The following TCP1 variants were observed in gnomAD, a reference collection of about 807,000 sequenced individuals.
TCP1 encodes the protein t-complex 1, also known as T-complex protein 1 subunit alpha.
In TCP1, 6 loss-of-function variants were observed where a neutral mutation model predicts 54.7. The ratio of observed to expected loss-of-function variants is 0.11; its 90% CI spans 0.06 to 0.22. The LOEUF (loss-of-function observed/expected upper bound fraction) is 0.22, where lower values mean the gene tolerates loss of function less well. Ranked by LOEUF, TCP1 falls within the 10% of genes least tolerant of loss-of-function variation. TCP1 has a pLI of 1.00. For missense variants in TCP1, 511 were observed against 678.2 expected (o/e 0.75, Z 2.74); for synonymous variants, 225 against 229.7 (o/e 0.98, Z 0.19).
Position 159,786,813 on chromosome 6 carries a change from A to G in TCP1, c.280-816T>C, listed in dbSNP as rs35589108. On this transcript the variant is annotated intron_variant, in intron 3 of 11. Coordinates refer to ENST00000321394, the MANE Select transcript of TCP1 (RefSeq NM_030752.3). The stretch of plus-strand genomic sequence containing the variant: ...CAAACAATAGTGTTTCTACTATACC[A>G]GCATGCTGGATGATCTATGAAGAGT... 1.0e-2 allele frequency among the ~76,000 whole-genome samples: 1,516 copies of G among 152,348 alleles called. 18 individuals carry two copies. The highest frequency in any genetic ancestry group is 0.015 in the Non-Finnish European group (1,040 of 68,024).
At chr6:159,788,180 GATA>G in intron 1 of TCP1, 37 bp from the exon 2 acceptor site, 5 of 1,591,632 alleles carry the variant, frequency 3.1e-6, no homozygotes, top group Non-Finnish European at 4.3e-6. Context: ...AAGAAATGAG[GATA>G]AGCCACAACT....
chr6:159,787,608 T>C, intron 3 of TCP1, 135 bp downstream of exon 3: 1 of 1,192,842 alleles, frequency 8.4e-7, no homozygotes. Context: ...TTGTTTTTTC[T>C]TCTTGCTCAA....
chr6:159,781,216 C>A, intron 7 of TCP1, 106 bp from the exon 8 acceptor site: 1 of 1,004,892 alleles, frequency 1.0e-6, no homozygotes, highest in Non-Finnish European at 1.4e-6. Context: ...ATTGTATTAT[C>A]CTTTGTTATC....
At chr6:159,786,984 G>C (rs535001931) in intron 3 of TCP1, among the ~76,000 whole-genome samples, 127 of 150,894 alleles carry the variant, frequency 8.4e-4, no homozygotes, top group African/African-American at 2.9e-3. Flanking sequence ...CAGCTCATGC[G>C]TGTAATCCCA....
Position 159,785,932 on chromosome 6 carries a change from T to A in TCP1, c.345A>T (p.Thr115=). The A allele has an allele frequency of 2.5e-6, 4 of 1,613,948 alleles. No individual in the cohort carries two copies. The highest frequency in any genetic ancestry group is 1.7e-5 in the Admixed American group (1 of 60,024). ...DELVKQKIHP[T]SVISGYRLAC... is the part of the protein sequence containing the mutation. ...CAAGTCGATAGCCACTAATAACTGA[T>A]GTGGGATGAATTTTCTGTTTGACTA... The change falls in exon 4 of 12, where the codon ACA becomes ACT. Residue 115 remains threonine (T), a synonymous_variant. Coordinates refer to ENST00000321394, the MANE Select transcript of TCP1 (RefSeq NM_030752.3).
rs753812635 is a variant in TCP1 at position 159,779,019 on chromosome 6, T to A, written c.*26A>T. ...AGGTACAAGACAATTGCATTTAACA[T>A]TGTTATAAATAAAAGGAACATCAGA... On this transcript the variant is annotated 3_prime_UTR_variant, in exon 12 of 12. Coordinates refer to ENST00000321394, the MANE Select transcript of TCP1 (RefSeq NM_030752.3). 1 of 1,601,374 alleles carries A rather than the reference T, an allele frequency of 6.2e-7. No homozygotes were observed. Among genetic ancestry groups the A allele is most frequent in the Non-Finnish European group, 8.5e-7 (1 of 1,170,502 alleles).
intron 1 of TCP1, 110 bp downstream of exon 1, chr6:159,789,295 G>C (rs780887081): frequency 3.1e-6 from 4 of 1,294,368 alleles, no homozygotes; most frequent in African/African-American, 1.5e-5. Context: ...GGGGCCCCGA[G>C]GCCCTTTCTG....
intron 6 of TCP1, among the ~76,000 whole-genome samples, chr6:159,784,370 T>G (rs1351461637): frequency 1.3e-4 from 19 of 151,898 alleles, no homozygotes; most frequent in African/African-American, 4.4e-4. Context: ...AGTGGTGTGA[T>G]CTTGGCTCAC....
chr6:159,785,174 GCA>G, intron 5 of TCP1: 1 of 605,056 alleles, frequency 1.7e-6, no homozygotes, highest in African/African-American at 1.9e-5. Context: ...CTGCTACTAC[GCA>G]CGCGTGCGCG....
chr6:159,784,622 A>C, intron 6 of TCP1, 44 bp downstream of exon 6: 3 of 1,584,404 alleles, frequency 1.9e-6, no homozygotes, highest in Admixed American at 3.7e-5. Flanking sequence ...AGCTAGTTTT[A>C]ATCTGTAGCA....
In TCP1 at chr6:159,780,997, C is replaced by G. The variant is rs1780563716; in HGVS notation, c.911G>C (p.Gly304Ala). Residue 304 changes from glycine to alanine, a missense_variant, in exon 8 of 12, where the codon GGT becomes GCT. By Grantham distance (60) the Gly-to-Ala change is moderately conservative. This residue lies in a region of TCP1 where 305 missense variants were observed against 352.8 expected (regional missense o/e 0.86). Transcript: ENST00000321394. ...TAAAACTCTTCTAACTGCCATAGCA[C>G]CAGCCTCCACAAAATACTTCAGACA... is the stretch of plus-strand genomic sequence containing the variant. ...DMCLKYFVEA[G>A]AMAVRRVLKR... The G allele has an allele frequency of 8.7e-6, 14 of 1,613,566 alleles. No homozygotes were observed. Among genetic ancestry groups the G allele is most frequent in the Non-Finnish European group, 1.2e-5 (14 of 1,179,782 alleles).
At chr6:159,784,171 T>A in intron 6 of TCP1, 104 bp from the exon 7 acceptor site, 5 of 1,375,064 alleles carry the variant, frequency 3.6e-6, no homozygotes, top group Non-Finnish European at 4.8e-6. Context: ...GACTAATTCA[T>A]TGCATTTTAT....
chr6:159,783,379 ATTTTTTTT>A (rs770127722), intron 7 of TCP1, among the ~76,000 whole-genome samples: 2 of 118,838 alleles, frequency 1.7e-5, no homozygotes, highest in African/African-American at 3.3e-5. Context: ...TGTTTAAACT[ATTTTTTTT>A]TTTTTTTTTT....
At chr6:159,788,663 C>T (rs1192277799) in intron 1 of TCP1, 1 of 153,634 alleles carries the variant, frequency 6.5e-6, no homozygotes, top group East Asian at 1.9e-4. Context: ...CCTTCAGATT[C>T]TGCAAGTTTT....
chr6:159,787,962 G>C (rs1352053287), intron 2 of TCP1, 91 bp from the exon 3 acceptor site: 5 of 1,603,872 alleles, frequency 3.1e-6, no homozygotes, highest in Non-Finnish European at 4.3e-6. Context: ...TCACCTTCCA[G>C]TACGTGGATT....
rs537218073 is a variant in TCP1, at chr6:159,789,450, C to A, written c.19G>T (p.Val7Leu). Residue 7 changes from valine (V) to leucine (L), a missense_variant, in exon 1 of 12, where the codon GTG (valine) becomes TTG (leucine). Transcript: ENST00000321394. MEGPLSVFGDRSTGETI... is the reference protein window; with the variant it reads MEGPLSLFGDRSTGETI... ...TCCCCAGTGCTGCGGTCACCGAACA[C>A]GGACAAAGGCCCCTCCATCTTGACG... 6.2e-7 allele frequency: 1 copy of A among 1,613,938 alleles called. No individual in the cohort carries two copies. Among genetic ancestry groups the A allele is most frequent in the Non-Finnish European group, 8.5e-7 (1 of 1,179,874 alleles).
At chr6:159,788,361 G>A (rs1404551659) in intron 1 of TCP1, 1 of 478,172 alleles carries the variant, frequency 2.1e-6, no homozygotes, top group African/African-American at 2.0e-5. Flanking sequence ...GCCGAGGCAG[G>A]AGGATCGCTT....
At position 159,788,127 on chromosome 6, in the gene TCP1, C is replaced by T. The variant is rs1328261446; in HGVS notation, c.81G>A (p.Ser27=). The T allele has an allele frequency of 2.5e-6, 4 of 1,613,942 alleles. No individual in the cohort carries two copies. The highest frequency in any genetic ancestry group is 3.4e-6 in the Non-Finnish European group (4 of 1,180,006). The change falls in exon 2 of 12, where the codon TCG becomes TCA. Residue 27 remains serine, a synonymous_variant. Transcript: ENST00000321394. ...IRSQNVMAAA[S]IANIVKSSLG... ...GAGAACTTTTTACAATATTGGCAATCGAAGCTGCAGCCATAACTGTAGACA... is the reference window on the plus strand; with the variant it reads ...GAGAACTTTTTACAATATTGGCAATTGAAGCTGCAGCCATAACTGTAGACA...
At position 159,778,855 on chromosome 6, in the gene TCP1, AT is replaced by A; in HGVS notation, c.*189del. On this transcript the variant is annotated 3_prime_UTR_variant, in exon 12 of 12. Transcript: ENST00000321394. ...ATTGCTTAAACTTTGAACAACCTCAATTTCTTTTTAAACTAATAAAGTACTA... is the reference window on the plus strand; with the variant it reads ...ATTGCTTAAACTTTGAACAACCTCAATTCTTTTTAAACTAATAAAGTACTA... 6.2e-7 allele frequency: 1 copy of A among 1,613,734 alleles called. No homozygotes were observed. The highest frequency in any genetic ancestry group is 8.5e-7 in the Non-Finnish European group (1 of 1,179,648).
Sources: allele counts gnomAD v4.1 joint callset (sites outside exome capture counted in the v4.1 genomes callset), GRCh38; gene constraint gnomAD v4.1.1; regional missense constraint gnomAD v4.1.1; transcripts MANE v1.5; gene names NCBI Gene and HGNC (gene_info 2026-07-23, HGNC 2026-07-21).